Variants in KSR1 observed in about 807,000 individuals in gnomAD.
The protein encoded by KSR1 is kinase suppressor of ras.
Under a neutral mutation model 92.9 loss-of-function variants are expected in KSR1, and 35 were observed. The observed-to-expected ratio is 0.38, with a 90% CI of 0.29 to 0.50. The LOEUF (loss-of-function observed/expected upper bound fraction) is 0.50, where lower values mean the gene tolerates loss of function less well. Among genes scored for constraint, KSR1 ranks in the 20% least tolerant of loss-of-function variants. KSR1 has a pLI of 0.94. For synonymous variants in KSR1, 467 were observed against 472.6 expected, an observed-to-expected ratio of 0.99 and a Z score of 0.15; for missense variants, 972 against 1,158.5, an observed-to-expected ratio of 0.84 and a Z score of 2.34.
chr17:27,461,171 T>C (rs1375109412), intron 1 of KSR1, among the ~76,000 whole-genome samples: 2 of 152,196 alleles, frequency 1.3e-5, no homozygotes, highest in Non-Finnish European at 2.9e-5. Flanking sequence ...AATCTCAGCC[T>C]CCCAGGTTCA....
intron 6 of KSR1, among the ~76,000 whole-genome samples, chr17:27,590,189 A>G (rs2073114214): frequency 6.6e-6 from 1 of 152,180 alleles, no homozygotes; most frequent in African/African-American, 2.4e-5. Flanking sequence ...GTTACTATTC[A>G]CTTCTATTGT....
In KSR1 at chr17:27,592,438, TC is replaced by T; in HGVS notation, c.1192+18del. ...TTCCTGCCACGTGAGTTTTCTGCCT[TC>T]CTCTCCTCTGCCTTCTGGATTTGGG... On this transcript the variant is annotated intron_variant, in intron 8 of 20. Transcript: ENST00000644974. 6.2e-7 allele frequency: 1 copy of T among 1,613,674 alleles called. No homozygotes were observed. Among genetic ancestry groups the T allele is most frequent in the Non-Finnish European group, 8.5e-7 (1 of 1,179,658 alleles).
intron 2 of KSR1, among the ~76,000 whole-genome samples, chr17:27,571,242 T>C (rs1447799362): frequency 6.6e-6 from 1 of 152,214 alleles, no homozygotes; most frequent in Admixed American, 6.5e-5. Context: ...TTTCTGCTGA[T>C]TTCTGTGGAA....
intron 1 of KSR1, among the ~76,000 whole-genome samples, chr17:27,472,675 T>C (rs1597834742): frequency 6.6e-6 from 1 of 151,976 alleles, no homozygotes; most frequent in Non-Finnish European, 1.5e-5. Context: ...TGGCGGTGGG[T>C]GCCTGTAATC....
chr17:27,473,304 G>T (rs2020122739), intron 1 of KSR1, among the ~76,000 whole-genome samples: 2 of 152,210 alleles, frequency 1.3e-5, no homozygotes, highest in Non-Finnish European at 2.9e-5. Context: ...CTTTGGTGAT[G>T]CTTAGCATTT....
intron 1 of KSR1, among the ~76,000 whole-genome samples, chr17:27,523,975 A>G (rs923970868): frequency 6.6e-6 from 1 of 152,142 alleles, no homozygotes; most frequent in African/African-American, 2.4e-5. Context: ...GGAAGAAAGG[A>G]GAGTGGAAAG....
chr17:27,539,542 G>A lies in KSR1; in HGVS notation c.232-11026G>A, dbSNP rs545422791. Among the ~76,000 whole-genome samples the A allele has an allele frequency of 9.2e-5, 14 of 152,300 alleles. No individual in the cohort carries two copies. The South Asian group carries it at 2.3e-3, about 25-fold the overall frequency. On this transcript the variant is annotated intron_variant, in intron 1 of 20. Transcript: ENST00000644974. ...TTCCTGAAAATTATGGACCCCTGCCGCTTACGACCGTTGTCCTTGGAGTCC... is the reference window on the plus strand; with the variant it reads ...TTCCTGAAAATTATGGACCCCTGCCACTTACGACCGTTGTCCTTGGAGTCC...
chr17:27,476,829 A>G (rs2068361947), intron 1 of KSR1, among the ~76,000 whole-genome samples: 1 of 152,212 alleles, frequency 6.6e-6, no homozygotes, highest in Non-Finnish European at 1.5e-5. Flanking sequence ...ATGACAGGAA[A>G]GGGGTCCCGA....
rs761800126 is a variant in KSR1 at position 27,617,303 on chromosome 17, G to A, written c.2502G>A (p.Leu834=). The A allele has an allele frequency of 6.2e-7, 1 of 1,606,384 alleles. No homozygotes were observed. Among genetic ancestry groups the A allele is most frequent in the Admixed American group, 1.7e-5 (1 of 59,746 alleles). Residue 834 remains leucine (L), a synonymous_variant, in exon 19 of 21, where the codon CTG becomes CTA. Coordinates refer to ENST00000644974, the MANE Select transcript of KSR1 (RefSeq NM_001394583.1). ...GGCAGCTCCATTTGCAGGAGATCCT[G>A]TCGGCCTGCTGGGCTTTCGACCTGC... The part of the protein sequence containing the change: ...VSLGKEVSEI[L]SACWAFDLQE...
chr17:27,605,347 T>C, intron 13 of KSR1, 87 bp from the exon 14 acceptor site: 1 of 1,500,686 alleles, frequency 6.7e-7, no homozygotes, highest in African/African-American at 1.4e-5. Flanking sequence ...CTCTCCCCTG[T>C]TACCTGGCTA....
Position 27,526,452 on chromosome 17 carries a change from T to G in KSR1, c.232-24116T>G. 8 of 1,576,698 alleles carry G rather than the reference T, an allele frequency of 5.1e-6. No homozygotes were observed. In the Middle Eastern group the frequency reaches 5.1e-4, roughly 100 times the overall value. On this transcript the variant is annotated intron_variant, in intron 1 of 20. Transcript: ENST00000644974. The stretch of plus-strand genomic sequence containing the variant: ...GCCATTCCTTGGTAAAAGTTTGTAG[T>G]TTTTTTTCCCAATACATCTTCTCTT...
intron 1 of KSR1, among the ~76,000 whole-genome samples, chr17:27,521,515 C>T (rs952200515): frequency 6.6e-6 from 1 of 151,988 alleles, no homozygotes. Flanking sequence ...CACTGGAGCC[C>T]TGACTTCCCG....
rs971145381 is a variant in KSR1 at position 27,626,432 on chromosome 17, G to A, written c.*3040G>A. On this transcript the variant is annotated 3_prime_UTR_variant, in exon 21 of 21. Coordinates refer to ENST00000644974, the MANE Select transcript of KSR1 (RefSeq NM_001394583.1). Reference sequence around the variant, plus strand: ...GAGTTTGTGAATAAAGTTATACCAAGGTGTTCTGGGGCTTGTCTTTGCTTT... The same window carrying A: ...GAGTTTGTGAATAAAGTTATACCAAAGTGTTCTGGGGCTTGTCTTTGCTTT... 6.6e-6 allele frequency: 1 copy of A among 152,284 alleles called. No individual in the cohort carries two copies. The highest frequency in any genetic ancestry group is 6.5e-5 in the Admixed American group (1 of 15,286). The allele number at this position is 152,284 out of a possible 1,614,324, so 9.4% of individuals were successfully genotyped here.
intron 10 of KSR1, among the ~76,000 whole-genome samples, chr17:27,598,607 A>G (rs1391033393): frequency 6.6e-6 from 1 of 151,934 alleles, no homozygotes; most frequent in Non-Finnish European, 1.5e-5. Context: ...CTCCTCTCCC[A>G]TTCTGCTCTG....
chr17:27,511,486 C>G (rs2069599193), intron 1 of KSR1, among the ~76,000 whole-genome samples: 1 of 152,118 alleles, frequency 6.6e-6, no homozygotes, highest in African/African-American at 2.4e-5. Flanking sequence ...GAATCTGGAA[C>G]TGAGAAAGAC....
chr17:27,615,234 G>C, intron 18 of KSR1, among the ~76,000 whole-genome samples: 1 of 152,198 alleles, frequency 6.6e-6, no homozygotes, highest in East Asian at 1.9e-4. Context: ...TATTGTTAAG[G>C]TTGCCATGAT....
chr17:27,608,036 G>T (rs1157315207), intron 15 of KSR1, 26 bp downstream of exon 15: 2 of 1,550,286 alleles, frequency 1.3e-6, no homozygotes, highest in Non-Finnish European at 1.8e-6. Context: ...GCTGCTGGGG[G>T]TGGGTTTCTG....
intron 1 of KSR1, among the ~76,000 whole-genome samples, chr17:27,478,875 A>G (rs1206334879): frequency 6.6e-6 from 1 of 152,160 alleles, no homozygotes; most frequent in African/African-American, 2.4e-5. Flanking sequence ...TGGTGTCACG[A>G]GAACATGGTC....
intron 18 of KSR1, among the ~76,000 whole-genome samples, chr17:27,614,072 G>C (rs2073992541): frequency 6.6e-6 from 1 of 152,236 alleles, no homozygotes; most frequent in African/African-American, 2.4e-5. Context: ...AAAGTGCTGG[G>C]ATTACAGGCA....
Sources: gnomAD v4.1 joint callset for allele counts (sites outside exome capture counted in the v4.1 genomes callset) on GRCh38, gnomAD v4.1.1 for gene constraint, MANE v1.5 for transcripts, NCBI Gene and HGNC (gene_info 2026-07-23, HGNC 2026-07-21) for gene names.